The following UBXN2B variants were observed in gnomAD, a reference collection of about 807,000 sequenced individuals.
UBXN2B encodes the protein UBX domain protein 2B.
A neutral mutation model predicts 37.5 loss-of-function variants in UBXN2B; 19 were observed. The ratio of observed to expected loss-of-function variants is 0.51; its 90% CI spans 0.35 to 0.74. The LOEUF is 0.74. Among genes scored for constraint, UBXN2B ranks in the 30% least tolerant of loss-of-function variants. UBXN2B has a pLI of 0.01. For synonymous variants in UBXN2B, 145 were observed against 143.8 expected (o/e 1.01, Z -0.06); for missense variants, 370 against 393.2 (o/e 0.94, Z 0.50).
chr8:58,443,893 C>T (rs183184047), intron 6 of UBXN2B, among the ~76,000 whole-genome samples: 68 of 152,280 alleles, frequency 4.5e-4, no homozygotes, highest in African/African-American at 1.5e-3. Context: ...GTCCAGCTAT[C>T]TGTCTGTGTG....
chr8:58,449,117 T>C lies in UBXN2B; in HGVS notation c.*1566T>C, dbSNP rs1808748850. The C allele has an allele frequency of 1.3e-5, 2 of 152,220 alleles. No individual in the cohort carries two copies. The highest frequency in any genetic ancestry group is 2.9e-5 in the Non-Finnish European group (2 of 68,028). 9.4% of individuals were successfully genotyped at this position (152,220 alleles called of 1,614,324 possible). On this transcript the variant is annotated 3_prime_UTR_variant, in exon 8 of 8. Coordinates refer to ENST00000399598, the MANE Select transcript of UBXN2B (RefSeq NM_001077619.2). ...CTGACACCAGTGTGGAGAGGTTCTC[T>C]GCAGGACTCATGATTAAATGAGGCC... is the stretch of plus-strand genomic sequence containing the variant.
intron 2 of UBXN2B, chr8:58,425,060 A>G: frequency 1.3e-6 from 1 of 781,918 alleles, no homozygotes; most frequent in Admixed American, 1.7e-5. Flanking sequence ...TCCTCCAGGA[A>G]GTCCAGCACA....
At chr8:58,421,300 A>G (rs1437141197) in intron 2 of UBXN2B, among the ~76,000 whole-genome samples, 2 of 151,862 alleles carry the variant, frequency 1.3e-5, no homozygotes, top group East Asian at 3.9e-4. Flanking sequence ...AGATGACCAT[A>G]AGTTTCAGGA....
At chr8:58,445,884 T>C in intron 6 of UBXN2B, 23 bp from the exon 7 acceptor site, 2 of 1,561,046 alleles carry the variant, frequency 1.3e-6, no homozygotes, top group Non-Finnish European at 1.7e-6. Flanking sequence ...CATTCAGATT[T>C]GTGTTTAATT....
At chr8:58,414,469 A>T (rs1412794357) in intron 1 of UBXN2B, among the ~76,000 whole-genome samples, 2 of 152,214 alleles carry the variant, frequency 1.3e-5, no homozygotes, top group Admixed American at 6.5e-5. Context: ...CACATTTCAA[A>T]TTCTAGAGGA....
At chr8:58,439,443 A>G (rs1161040235) in intron 5 of UBXN2B, among the ~76,000 whole-genome samples, 190 bp from the exon 6 acceptor site, 1 of 152,228 alleles carries the variant, frequency 6.6e-6, no homozygotes, top group Non-Finnish European at 1.5e-5. Flanking sequence ...AGAACCAGTA[A>G]GGAGTAATGT....
chr8:58,422,394 C>T (rs1453676881), intron 2 of UBXN2B, among the ~76,000 whole-genome samples: 1 of 152,206 alleles, frequency 6.6e-6, no homozygotes, highest in Non-Finnish European at 1.5e-5. Context: ...CAGAAGAATC[C>T]GAGGAAACAA....
chr8:58,439,715 A>G lies in UBXN2B; in HGVS notation c.616A>G (p.Ile206Val), dbSNP rs758273410. 3 of 1,611,656 alleles carry G rather than the reference A, an allele frequency of 1.9e-6. No individual in the cohort carries two copies. Among genetic ancestry groups the G allele is most frequent in the Admixed American group, 1.7e-5 (1 of 59,668 alleles). Residue 206 changes from isoleucine to valine, a missense_variant, in exon 6 of 8, where the codon ATA becomes GTA. Physicochemically the swap from Ile to Val is conservative, Grantham distance 29. This residue lies in a region of UBXN2B where 90 missense variants were observed against 139.4 expected (regional missense o/e 0.65). Coordinates refer to ENST00000399598, the MANE Select transcript of UBXN2B (RefSeq NM_001077619.2). ...GGAGGATCATCAGGATCAAGAATAC[A>G]TAAAACCTAGATTGAGGTTCAAGGC... ...DMEDHQDQEY[I>V]KPRLRFKAFS... is the part of the protein sequence containing the mutation.
In UBXN2B at chr8:58,417,634, T is replaced by C. The variant is rs926780329; in HGVS notation, c.188+681T>C. Among the ~76,000 whole-genome samples the C allele has an allele frequency of 5.9e-5, 9 of 152,214 alleles. No individual in the cohort carries two copies. The South Asian group carries it at 1.9e-3, about 32-fold the overall frequency. On this transcript the variant is annotated intron_variant, in intron 2 of 7. Coordinates refer to ENST00000399598, the MANE Select transcript of UBXN2B (RefSeq NM_001077619.2). ...ATTTTCATTAACATCTTTTTAGTAC[T>C]GTAAATACCATCCCTGGGGAAGAAA...
intron 2 of UBXN2B, chr8:58,426,525 A>G: frequency 1.4e-6 from 1 of 735,230 alleles, no homozygotes. Context: ...CTGAATCTTG[A>G]TGTGGGTGAC....
chr8:58,424,860 C>T (rs1187858810), intron 2 of UBXN2B: 10 of 1,261,882 alleles, frequency 7.9e-6, no homozygotes, highest in African/African-American at 1.5e-5. Context: ...CTGTCTGGAC[C>T]ATCCCTGACC....
chr8:58,421,572 C>G (rs1026365962), intron 2 of UBXN2B, among the ~76,000 whole-genome samples: 7 of 152,124 alleles, frequency 4.6e-5, no homozygotes, highest in African/African-American at 1.7e-4. Context: ...CCTGACTCAC[C>G]CATTACTGAC....
intron 6 of UBXN2B, among the ~76,000 whole-genome samples, chr8:58,443,714 A>C (rs1365264874): frequency 6.6e-6 from 1 of 152,098 alleles, no homozygotes; most frequent in Admixed American, 6.6e-5. Flanking sequence ...AGGCTGAGGC[A>C]GGAGAATCAC....
intron 7 of UBXN2B, among the ~76,000 whole-genome samples, chr8:58,446,778 C>CTT (rs1585622637): frequency 4.0e-4 from 6 of 14,966 alleles, no homozygotes; most frequent in South Asian, 2.2e-3. Context: ...GTACAACCTG[C>CTT]ATTTTTTTTT....
chr8:58,424,738 ATAT>A (rs1037115239), intron 2 of UBXN2B: 10 of 1,408,842 alleles, frequency 7.1e-6, no homozygotes, highest in Admixed American at 1.7e-5. Flanking sequence ...AGAATACTTA[ATAT>A]TTGTATATTC....
chr8:58,446,112 CT>C, intron 7 of UBXN2B, 44 bp downstream of exon 7: 1 of 1,533,012 alleles, frequency 6.5e-7, no homozygotes, highest in Non-Finnish European at 8.8e-7. Context: ...GTTATATACA[CT>C]GGATTGCTTA....
chr8:58,445,794 G>A, intron 6 of UBXN2B, 113 bp from the exon 7 acceptor site: 1 of 868,318 alleles, frequency 1.2e-6, no homozygotes, highest in Non-Finnish European at 1.6e-6. Context: ...AATGAAAGAG[G>A]TTGAAAGAAG....
At chr8:58,425,197 G>A (rs1808048269) in intron 2 of UBXN2B, 1 of 945,172 alleles carries the variant, frequency 1.1e-6, no homozygotes, top group South Asian at 1.3e-5. Context: ...GTTGTGAGCG[G>A]TGCTTTCTCT....
intron 1 of UBXN2B, chr8:58,413,288 C>A (rs1807685576): frequency 6.6e-6 from 1 of 152,036 alleles, no homozygotes; most frequent in African/African-American, 2.4e-5. Flanking sequence ...TATTGATAAT[C>A]TTTCCTTTAG....
Sources: gnomAD v4.1 joint callset for allele counts (sites outside exome capture counted in the v4.1 genomes callset) on GRCh38, gnomAD v4.1.1 for gene constraint, gnomAD v4.1.1 regional missense constraint, MANE v1.5 for transcripts, NCBI Gene and HGNC (gene_info 2026-07-23, HGNC 2026-07-21) for gene names.